MED26: variants seen among roughly 807,000 people sequenced by gnomAD.
MED26 encodes mediator complex subunit 26.
MED26 carries 7 observed loss-of-function variants against 43.7 expected under a neutral mutation model. The ratio of observed to expected loss-of-function variants is 0.16; its 90% CI spans 0.09 to 0.30. The LOEUF is 0.30. Among genes scored for constraint, MED26 ranks in the 10% least tolerant of loss-of-function variants. MED26 has a pLI of 1.00. For synonymous variants in MED26, 375 were observed against 371.1 expected (o/e 1.01, Z -0.12); for missense variants, 784 against 840.6 (o/e 0.93, Z 0.83).
At position 16,586,444 on chromosome 19, in the gene MED26, G is replaced by T. The variant is rs2086070994; in HGVS notation, c.73-8035C>A. Among the ~76,000 whole-genome samples, 1 of 152,228 alleles carries T rather than the reference G, an allele frequency of 6.6e-6. No individual in the cohort carries two copies. Among genetic ancestry groups the T allele is most frequent in the African/African-American group, 2.4e-5 (1 of 41,460 alleles). ...GTACCAGGTGCCACCAGCCTGTGGT[G>T]ATGTCGGCACTCTGTAAAGACTCTC... On this transcript the variant is annotated intron_variant, in intron 1 of 2. Transcript: ENST00000263390. This position sits in a 1 kb window ranked among gnomAD's most constrained non-coding sequence, Gnocchi z 5.1.
chr19:16,616,178 G>A (rs552537545), intron 1 of MED26, among the ~76,000 whole-genome samples: 42 of 152,332 alleles, frequency 2.8e-4, no homozygotes, highest in Middle Eastern at 3.4e-3. Flanking sequence ...TAGCATGCAT[G>A]TGAGCACCCA....
intron 1 of MED26, among the ~76,000 whole-genome samples, chr19:16,595,243 C>G (rs1019687303): frequency 6.6e-6 from 1 of 152,178 alleles, no homozygotes; most frequent in East Asian, 1.9e-4. Context: ...ACTCGTGACA[C>G]GTGCGCACCT....
At chr19:16,602,990 T>C (rs2086156746) in intron 1 of MED26, among the ~76,000 whole-genome samples, 2 of 152,216 alleles carry the variant, frequency 1.3e-5, no homozygotes, top group African/African-American at 4.8e-5. Flanking sequence ...TTTTATGGGA[T>C]GTATATTTTA....
intron 1 of MED26, among the ~76,000 whole-genome samples, chr19:16,584,669 GAC>G (rs1336309682): frequency 2.6e-5 from 4 of 152,224 alleles, no homozygotes; most frequent in African/African-American, 9.6e-5. Context: ...GTCTTTCAGT[GAC>G]ACTTTCCTGA....
chr19:16,591,723 C>A (rs2086098516), intron 1 of MED26, among the ~76,000 whole-genome samples: 1 of 152,188 alleles, frequency 6.6e-6, no homozygotes, highest in South Asian at 2.1e-4. Context: ...TCTGCTCTCC[C>A]CAAAACATGG....
At chr19:16,611,601 A>G (rs2086199658) in intron 1 of MED26, 1 of 152,136 alleles carries the variant, frequency 6.6e-6, no homozygotes, top group African/African-American at 2.4e-5. Context: ...CCCCTGCCCC[A>G]ACCAACACAA....
At position 16,586,919 on chromosome 19, in the gene MED26, T is replaced by G. The variant is rs2086073418; in HGVS notation, c.73-8510A>C. On this transcript the variant is annotated intron_variant, in intron 1 of 2. Coordinates refer to ENST00000263390, the MANE Select transcript of MED26 (RefSeq NM_004831.5). This position sits in a 1 kb window ranked among gnomAD's most constrained non-coding sequence, Gnocchi z 5.1. ...CAATGGGGATGTTGTCGGGTTTTTT[T>G]TTTTTTTTTAATGCAGAATGGTCTA... 2.0e-5 allele frequency: 3 copies of G among 151,988 alleles called. No homozygotes were observed. The South Asian group carries it at 6.2e-4, about 32-fold the overall frequency. 9.4% of individuals were successfully genotyped at this position (151,988 alleles called of 1,614,324 possible).
intron 1 of MED26, chr19:16,588,357 A>T (rs2086080525): frequency 6.6e-6 from 1 of 152,378 alleles, no homozygotes; most frequent in South Asian, 2.1e-4. Context: ...GACAGAGCCC[A>T]AATAAGAACG....
chr19:16,584,983 G>A (rs1219509246), intron 1 of MED26, among the ~76,000 whole-genome samples: 1 of 152,182 alleles, frequency 6.6e-6, no homozygotes, highest in African/African-American at 2.4e-5. Context: ...TCTGGCCCCT[G>A]AGTGGGGCAG....
At chr19:16,613,105 G>C (rs1008934917) in intron 1 of MED26, among the ~76,000 whole-genome samples, 2 of 152,134 alleles carry the variant, frequency 1.3e-5, no homozygotes, top group African/African-American at 4.8e-5. Context: ...ACTTTATAGA[G>C]AGTATTAATA....
At chr19:16,615,276 T>C (rs1329011413) in intron 1 of MED26, among the ~76,000 whole-genome samples, 4 of 152,064 alleles carry the variant, frequency 2.6e-5, no homozygotes, top group African/African-American at 7.2e-5. Flanking sequence ...AGCTGACTGA[T>C]GAGCAGCTGA....
intron 1 of MED26, chr19:16,578,795 C>G (rs192372501): frequency 2.8e-5 from 6 of 215,598 alleles, no homozygotes; most frequent in Non-Finnish European, 4.6e-5. Flanking sequence ...GAATAAAATC[C>G]ACAAAGCTTA....
Position 16,577,665 on chromosome 19 carries a change from C to A in MED26, c.165G>T (p.Lys55Asn). Reference sequence around the variant, plus strand: ...TTTTCTTGCGGACGTCGTTGATGAGCTTCCCAAGTCGTGTTTCCTACAACC... The same window carrying A: ...TTTTCTTGCGGACGTCGTTGATGAGATTCCCAAGTCGTGTTTCCTACAACC... ...KEALEETRLG[K>N]LINDVRKKTK... The change falls in exon 3 of 3, where the codon AAG becomes AAT. Residue 55 changes from lysine to asparagine, a missense_variant. Lys to Asn is a moderately conservative substitution (Grantham distance 94). This residue lies in a region of MED26 where 28 missense variants were observed against 79.4 expected (regional missense o/e 0.35). Coordinates refer to ENST00000263390, the MANE Select transcript of MED26 (RefSeq NM_004831.5). This position sits in a 1 kb window ranked among gnomAD's most constrained non-coding sequence, Gnocchi z 8.1. The A allele has an allele frequency of 6.3e-7, 1 of 1,575,228 alleles. No individual in the cohort carries two copies. Among genetic ancestry groups the A allele is most frequent in the Non-Finnish European group, 8.7e-7 (1 of 1,155,134 alleles).
At chr19:16,617,817 A>C in intron 1 of MED26, among the ~76,000 whole-genome samples, 1 of 152,078 alleles carries the variant, frequency 6.6e-6, no homozygotes, top group East Asian at 1.9e-4. Context: ...AGAAAATGAA[A>C]TGCTTGAGAA....
At chr19:16,596,390 G>A (rs960042200) in intron 1 of MED26, among the ~76,000 whole-genome samples, 1 of 152,232 alleles carries the variant, frequency 6.6e-6, no homozygotes, top group Admixed American at 6.5e-5. Context: ...TCAGGCAAGA[G>A]AGAGGATCTG....
chr19:16,578,759 G>A (rs1466536398), intron 1 of MED26: 1 of 255,464 alleles, frequency 3.9e-6, no homozygotes, highest in South Asian at 6.6e-5. Context: ...GATGGGAGTG[G>A]GAGAGGAGAC....
intron 1 of MED26, among the ~76,000 whole-genome samples, chr19:16,596,287 C>T (rs1449374534): frequency 6.6e-6 from 1 of 152,232 alleles, no homozygotes; most frequent in Non-Finnish European, 1.5e-5. Flanking sequence ...CAGAAAGCAA[C>T]CCCATGCTGC....
At chr19:16,607,662 C>T (rs1286941161) in intron 1 of MED26, among the ~76,000 whole-genome samples, 1 of 152,244 alleles carries the variant, frequency 6.6e-6, no homozygotes, top group Non-Finnish European at 1.5e-5. Flanking sequence ...GCAAGCTTGT[C>T]CAACCCATGG....
At position 16,575,427 on chromosome 19, in the gene MED26, G is replaced by GGCTGGGA. The variant is rs773027768; in HGVS notation, c.*599_*600insTCCCAGC. On this transcript the variant is annotated 3_prime_UTR_variant, in exon 3 of 3. Coordinates refer to ENST00000263390, the MANE Select transcript of MED26 (RefSeq NM_004831.5). ...CTGCCCATGGAGTGTGGGTCACACTGGCTGGCCAGCTGGCCCGCCTGCCCA... is the reference window on the plus strand; with the variant it reads ...CTGCCCATGGAGTGTGGGTCACACTGGCTGGGAGCTGGCCAGCTGGCCCGCCTGCCCA... 1 of 153,120 alleles carries GGCTGGGA rather than the reference G, an allele frequency of 6.5e-6. No individual in the cohort carries two copies. Among genetic ancestry groups the GGCTGGGA allele is most frequent in the Non-Finnish European group, 1.5e-5 (1 of 68,532 alleles). The allele number at this position is 153,120 out of a possible 1,614,324, so 9.5% of individuals were successfully genotyped here. A position where few individuals can be genotyped will look rare whatever the true frequency, so the allele number is the denominator to read the frequency against.
Sources: gnomAD v4.1 joint callset for allele counts (sites outside exome capture counted in the v4.1 genomes callset) on GRCh38, gnomAD v4.1.1 for gene constraint, gnomAD v4.1.1 regional missense constraint, Gnocchi (gnomAD v3.1) non-coding constraint, MANE v1.5 for transcripts, NCBI Gene and HGNC (gene_info 2026-07-23, HGNC 2026-07-21) for gene names.